Variants in TRABD2A observed in about 807,000 individuals in gnomAD.
The protein encoded by TRABD2A is TraB domain containing 2A.
A neutral mutation model predicts 45.6 loss-of-function variants in TRABD2A; 43 were observed. That is an observed-to-expected ratio of 0.94 (90% CI 0.74 to 1.22). The LOEUF (loss-of-function observed/expected upper bound fraction) is 1.22, where lower values mean the gene tolerates loss of function less well. TRABD2A is among the 50% of genes most tolerant of loss of function. The pLI is 0.00. For synonymous variants in TRABD2A, 269 were observed against 265.0 expected (o/e 1.02, Z -0.15); for missense variants, 642 against 652.4 (o/e 0.98, Z 0.17).
intron 2 of TRABD2A, among the ~76,000 whole-genome samples, chr2:84,842,846 A>C (rs967175745): frequency 6.6e-6 from 1 of 152,128 alleles, no homozygotes; most frequent in Non-Finnish European, 1.5e-5. Context: ...AGAGTATGCC[A>C]GGTTTCCCAA....
chr2:84,853,057 T>C (rs575472811), intron 2 of TRABD2A, among the ~76,000 whole-genome samples: 2 of 152,124 alleles, frequency 1.3e-5, no homozygotes, highest in Non-Finnish European at 2.9e-5. Context: ...TGTGAACTTA[T>C]TTGGAAACAA....
intron 1 of TRABD2A, among the ~76,000 whole-genome samples, chr2:84,878,840 C>A (rs997479889): frequency 6.6e-6 from 1 of 152,210 alleles, no homozygotes; most frequent in Non-Finnish European, 1.5e-5. Context: ...GCATGTGGGT[C>A]AGACATACAG....
intron 2 of TRABD2A, among the ~76,000 whole-genome samples, chr2:84,855,992 G>A (rs1326423196): frequency 1.3e-5 from 2 of 152,138 alleles, no homozygotes; most frequent in Non-Finnish European, 2.9e-5. Flanking sequence ...GCTCACAGTG[G>A]CCCGCACCAC....
At chr2:84,862,445 A>G (rs1347971909) in intron 2 of TRABD2A, among the ~76,000 whole-genome samples, 1 of 152,120 alleles carries the variant, frequency 6.6e-6, no homozygotes, top group Non-Finnish European at 1.5e-5. Context: ...CCAGGGCAGG[A>G]GGCAGGGATA....
intron 4 of TRABD2A, 103 bp from the exon 5 acceptor site, chr2:84,832,248 C>T (rs928742717): frequency 1.7e-6 from 2 of 1,167,248 alleles, no homozygotes; most frequent in African/African-American, 3.0e-5. Context: ...GCCAAGCCCC[C>T]TGCCTATCTG....
intron 2 of TRABD2A, among the ~76,000 whole-genome samples, chr2:84,849,036 A>G (rs976276207): frequency 6.6e-6 from 1 of 152,096 alleles, no homozygotes; most frequent in Non-Finnish European, 1.5e-5. Flanking sequence ...GAGAAGGAAA[A>G]TTTCTGACTA....
chr2:84,827,169 C>T lies in TRABD2A; in HGVS notation c.1083-2965G>A, dbSNP rs1373753116. 2.0e-5 allele frequency among the ~76,000 whole-genome samples: 3 copies of T among 152,214 alleles called. No homozygotes were observed. The East Asian group carries it at 5.8e-4, about 29-fold the overall frequency. On this transcript the variant is annotated intron_variant, in intron 5 of 6. Coordinates refer to ENST00000409520, the MANE Select transcript of TRABD2A (RefSeq NM_001277053.2). ...TCTCACAGTTTAGCTAAACTTCTACCCACAAAAGCTAAGCCCATGGTCATT... is the reference window on the plus strand; with the variant it reads ...TCTCACAGTTTAGCTAAACTTCTACTCACAAAAGCTAAGCCCATGGTCATT...
At chr2:84,866,896 C>G (rs922365930) in intron 2 of TRABD2A, among the ~76,000 whole-genome samples, 1 of 152,056 alleles carries the variant, frequency 6.6e-6, no homozygotes, top group South Asian at 2.1e-4. Context: ...ACTAGCCTGG[C>G]CAACATGGTG....
intron 4 of TRABD2A, chr2:84,832,491 C>G (rs1039831773): frequency 3.9e-6 from 1 of 256,884 alleles, no homozygotes; most frequent in Non-Finnish European, 7.7e-6. Context: ...GGTGAGGACA[C>G]TGGTCTGGAG....
At chr2:84,879,136 A>G (rs1381116444) in intron 1 of TRABD2A, among the ~76,000 whole-genome samples, 2 of 150,968 alleles carry the variant, frequency 1.3e-5, no homozygotes. Flanking sequence ...TTTTACTACT[A>G]TCTCCATTAA....
intron 2 of TRABD2A, among the ~76,000 whole-genome samples, chr2:84,842,834 A>G (rs1254356641): frequency 1.3e-5 from 2 of 152,118 alleles, no homozygotes; most frequent in African/African-American, 2.4e-5. Context: ...TTGATGGGGA[A>G]CAGAGTATGC....
chr2:84,875,999 A>T (rs76321812), intron 1 of TRABD2A, among the ~76,000 whole-genome samples: 19 of 121,746 alleles, frequency 1.6e-4, no homozygotes, highest in East Asian at 1.4e-3. Context: ...TCTCAAAATT[A>T]AAAAAAAAAA....
In TRABD2A at chr2:84,863,239, C is replaced by CTTTTTTTTTTTTTTTTTTTTTTTTT. The variant is rs773927512; in HGVS notation, c.669+6985_669+6986insAAAAAAAAAAAAAAAAAAAAAAAAA. 6.2e-4 allele frequency among the ~76,000 whole-genome samples: 61 copies of CTTTTTTTTTTTTTTTTTTTTTTTTT among 98,136 alleles called. 6 individuals carry two copies. Among genetic ancestry groups the CTTTTTTTTTTTTTTTTTTTTTTTTT allele is most frequent in the Non-Finnish European group, 7.0e-4 (36 of 51,522 alleles). The allele number at this position is 98,136 out of a possible 152,430, so 64.4% of individuals were successfully genotyped here. ...CCAAAAGGTTAGACTTCATGTGAAT[C>CTTTTTTTTTTTTTTTTTTTTTTTTT]TTTTTTTTTTTTTTTTTTTTTTTGA... is the stretch of plus-strand genomic sequence containing the variant. On this transcript the variant is annotated intron_variant, in intron 2 of 6. Coordinates refer to ENST00000409520, the MANE Select transcript of TRABD2A (RefSeq NM_001277053.2).
chr2:84,855,824 C>T (rs1364834583), intron 2 of TRABD2A, among the ~76,000 whole-genome samples: 3 of 152,102 alleles, frequency 2.0e-5, no homozygotes, highest in African/African-American at 7.2e-5. Context: ...GTTGCGTTAG[C>T]CCAGGGGTTG....
intron 2 of TRABD2A, among the ~76,000 whole-genome samples, chr2:84,851,882 C>A (rs1682109238): frequency 1.3e-5 from 2 of 152,196 alleles, no homozygotes; most frequent in Non-Finnish European, 2.9e-5. Context: ...ATTTGATGAC[C>A]TCAAATGTAA....
chr2:84,876,301 G>A (rs1488186043), intron 1 of TRABD2A, among the ~76,000 whole-genome samples: 1 of 152,158 alleles, frequency 6.6e-6, no homozygotes, highest in African/African-American at 2.4e-5. Flanking sequence ...ATGTCCACAG[G>A]AGAAAAGTTC....
chr2:84,834,073 C>T (rs1362798246), intron 4 of TRABD2A: 3 of 152,148 alleles, frequency 2.0e-5, no homozygotes, highest in Non-Finnish European at 2.9e-5. Context: ...AGCAGAAGCC[C>T]ACACTCCAGC....
At chr2:84,832,298 C>A in intron 4 of TRABD2A, 153 bp from the exon 5 acceptor site, 1 of 712,398 alleles carries the variant, frequency 1.4e-6, no homozygotes, top group South Asian at 1.8e-5. Flanking sequence ...TGGAATCAGG[C>A]CTGCCAACAG....
chr2:84,851,934 A>G (rs912725752), intron 2 of TRABD2A, among the ~76,000 whole-genome samples: 8 of 152,214 alleles, frequency 5.3e-5, no homozygotes, highest in African/African-American at 1.7e-4. Flanking sequence ...TCAAGAAGCA[A>G]TGGGAGCAGA....
Sources: allele counts gnomAD v4.1 joint callset (sites outside exome capture counted in the v4.1 genomes callset), GRCh38; gene constraint gnomAD v4.1.1; transcripts MANE v1.5; gene names NCBI Gene and HGNC (gene_info 2026-07-23, HGNC 2026-07-21).